ACYP2: variants seen among roughly 807,000 people sequenced by gnomAD.
The protein encoded by ACYP2 is acylphosphatase-2.
ACYP2 carries 12 observed loss-of-function variants against 11.2 expected under a neutral mutation model. That is an observed-to-expected ratio of 1.08 (90% CI 0.69 to 1.74). ACYP2 has a LOEUF of 1.74. ACYP2 is among the 40% of genes most tolerant of loss of function. ACYP2 has a pLI of 0.00. For missense variants in ACYP2, 134 were observed against 101.9 expected (o/e 1.31, Z -1.35); for synonymous variants, 43 against 32.2 (o/e 1.33, Z -1.13).
intron 2 of ACYP2, among the ~76,000 whole-genome samples, chr2:54,013,742 AAG>A (rs1224407285): frequency 5.2e-4 from 49 of 94,460 alleles, no homozygotes; most frequent in East Asian, 1.5e-3. Flanking sequence ...AAAAAAAAAA[AAG>A]AGAGAGAGAG....
At chr2:54,038,394 C>A (rs373240448) in intron 2 of ACYP2, among the ~76,000 whole-genome samples, 1 of 151,950 alleles carries the variant, frequency 6.6e-6, no homozygotes, top group Admixed American at 6.6e-5. Flanking sequence ...TATATGTGAG[C>A]TTCTTGAGGG....
At chr2:54,135,365 G>T in intron 4 of ACYP2, 88 bp from the exon 2 acceptor site, 1 of 1,221,042 alleles carries the variant, frequency 8.2e-7, no homozygotes, top group South Asian at 1.4e-5. Context: ...GATAAATGGG[G>T]ACCACCTAGA....
chr2:54,058,324 C>G (rs1190429133), intron 4 of ACYP2, among the ~76,000 whole-genome samples: 1 of 117,240 alleles, frequency 8.5e-6, no homozygotes, highest in African/African-American at 3.1e-5. Flanking sequence ...AAAAAAAAAG[C>G]AGTACCTTCT....
At chr2:54,111,308 C>A (rs929733) in intron 4 of ACYP2, among the ~76,000 whole-genome samples, 2,033 of 152,012 alleles carry the variant, frequency 0.013, 50 homozygotes, top group Admixed American at 0.068. Context: ...AAATGGATTT[C>A]AAAAGTACTT....
intron 2 of ACYP2, chr2:54,029,640 C>T (rs1434182659): frequency 1.6e-5 from 6 of 369,838 alleles, no homozygotes; most frequent in Non-Finnish European, 2.6e-5. Flanking sequence ...TTCCTTCATG[C>T]GTTTCAGGAA....
At chr2:54,087,100 T>G (rs150958737) in intron 4 of ACYP2, among the ~76,000 whole-genome samples, 1 of 152,246 alleles carries the variant, frequency 6.6e-6, no homozygotes, top group Admixed American at 6.5e-5. Context: ...CTATTGTGTT[T>G]AAGGTATGGG....
chr2:54,144,673 CAAA>C (rs60045228), intron 6 of ACYP2, among the ~76,000 whole-genome samples: 1 of 113,220 alleles, frequency 8.8e-6, no homozygotes. Flanking sequence ...GACTCTGTCT[CAAA>C]AAAAAAAAAA....
intron 2 of ACYP2, among the ~76,000 whole-genome samples, chr2:53,992,011 C>T (rs1672320925): frequency 6.6e-6 from 1 of 151,794 alleles, no homozygotes; most frequent in Non-Finnish European, 1.5e-5. Flanking sequence ...AATGTAAGAG[C>T]TCTTGCCCCT....
At chr2:54,203,504 A>G (rs1684941720) in intron 6 of ACYP2, among the ~76,000 whole-genome samples, 1 of 152,212 alleles carries the variant, frequency 6.6e-6, no homozygotes, top group Non-Finnish European at 1.5e-5. Flanking sequence ...TAATTGATGA[A>G]TAGAAGTGGC....
Position 54,111,022 on chromosome 2 carries a change from C to T in ACYP2, c.278-24431C>T, listed in dbSNP as rs145161572. ...ATATGATGGGAGGGAGGGATGTGGT[C>T]CTGTGGTCAGTTTAAAATGGATCCC... On this transcript the variant is annotated intron_variant, in intron 4 of 6. Coordinates refer to ENST00000607452, the MANE Select transcript of ACYP2 (RefSeq NM_001320586.2). Among the ~76,000 whole-genome samples the T allele has an allele frequency of 1.4e-3, 219 of 152,048 alleles. 2 individuals carry two copies. Among genetic ancestry groups the T allele is most frequent in the African/African-American group, 4.7e-3 (194 of 41,462 alleles).
chr2:54,103,807 G>A (rs1331777949), intron 4 of ACYP2, among the ~76,000 whole-genome samples: 1 of 152,184 alleles, frequency 6.6e-6, no homozygotes, highest in Non-Finnish European at 1.5e-5. Flanking sequence ...TATCCCACAG[G>A]GAGTACTATG....
chr2:54,187,814 G>A (rs571550378), intron 6 of ACYP2, among the ~76,000 whole-genome samples: 30 of 152,284 alleles, frequency 2.0e-4, no homozygotes, highest in Admixed American at 2.0e-3. Flanking sequence ...TTCATGTGTT[G>A]GAAACTGAAT....
At chr2:54,179,510 C>T (rs985006112) in intron 6 of ACYP2, among the ~76,000 whole-genome samples, 1 of 152,156 alleles carries the variant, frequency 6.6e-6, no homozygotes, top group Non-Finnish European at 1.5e-5. Flanking sequence ...GATAGAGCAG[C>T]CCCAAGGGCT....
intron 6 of ACYP2, among the ~76,000 whole-genome samples, chr2:54,263,476 C>G (rs1485065938): frequency 6.6e-6 from 1 of 152,144 alleles, no homozygotes; most frequent in Non-Finnish European, 1.5e-5. Flanking sequence ...ATTTAAAAAT[C>G]AGCCAGGCAT....
intron 6 of ACYP2, among the ~76,000 whole-genome samples, chr2:54,234,482 T>G (rs1267483572): frequency 6.6e-6 from 1 of 152,236 alleles, no homozygotes; most frequent in Non-Finnish European, 1.5e-5. Flanking sequence ...CCCACTTGTT[T>G]GCAACATCCA....
intron 2 of ACYP2, among the ~76,000 whole-genome samples, chr2:54,005,960 A>G (rs369617941): frequency 3.5e-4 from 54 of 152,142 alleles, no homozygotes; most frequent in African/African-American, 1.3e-3. Context: ...AATCATAAAC[A>G]TGGTGTATTT....
chr2:54,114,234 A>T (rs1679614191), intron 4 of ACYP2, among the ~76,000 whole-genome samples: 1 of 152,212 alleles, frequency 6.6e-6, no homozygotes, highest in South Asian at 2.1e-4. Context: ...GAATTCTAGA[A>T]GGTGGCAGAT....
At chr2:54,168,549 G>C (rs1250341218) in intron 6 of ACYP2, among the ~76,000 whole-genome samples, 1 of 152,054 alleles carries the variant, frequency 6.6e-6, no homozygotes, top group Non-Finnish European at 1.5e-5. Context: ...AAAAGTAATT[G>C]GATATTACCA....
intron 4 of ACYP2, among the ~76,000 whole-genome samples, chr2:54,075,784 G>A (rs1032667922): frequency 6.6e-6 from 1 of 151,822 alleles, no homozygotes; most frequent in Admixed American, 6.6e-5. Context: ...CTGCACTCCA[G>A]CCTGGGCGAT....
Sources: allele counts gnomAD v4.1 joint callset (sites outside exome capture counted in the v4.1 genomes callset), GRCh38; gene constraint gnomAD v4.1.1; transcripts MANE v1.5; gene names NCBI Gene and HGNC (gene_info 2026-07-23, HGNC 2026-07-21).